Variants in SOWAHC observed in about 807,000 individuals in gnomAD.
SOWAHC encodes sosondowah ankyrin repeat domain family member C.
A neutral mutation model predicts 14.4 loss-of-function variants in SOWAHC; 12 were observed. The observed-to-expected ratio is 0.83, with a 90% CI of 0.53 to 1.35. The LOEUF (loss-of-function observed/expected upper bound fraction) is 1.35, where lower values mean the gene tolerates loss of function less well. Ranked by LOEUF, SOWAHC falls within the 40% of genes most tolerant of loss-of-function variation. The pLI, the probability that SOWAHC is intolerant of heterozygous loss-of-function variation, is 0.00. For synonymous variants in SOWAHC, 398 were observed against 347.0 expected (o/e 1.15, Z -1.63); for missense variants, 771 against 752.8 (o/e 1.02, Z -0.28).
rs1700029649 is a variant in SOWAHC, at chr2:109,614,800, AGGCCCCCGAC to A, written c.317_326del (p.Pro106LeufsTer40). 2 of 1,470,366 alleles carry A rather than the reference AGGCCCCCGAC, an allele frequency of 1.4e-6. No homozygotes were observed. Among genetic ancestry groups the A allele is most frequent in the African/African-American group, 2.9e-5 (2 of 67,992 alleles). 91.1% of individuals were successfully genotyped at this position (1,470,366 alleles called of 1,614,324 possible). A position where few individuals can be genotyped will look rare whatever the true frequency, so the allele number is the denominator to read the frequency against. ...CGAATCCAGGTGACCGCCGAGCCCG[AGGCCCCCGAC>A]GGCCCTGCCGGGCCCGAGGCGCGCG... On this transcript the variant is annotated frameshift_variant, in exon 1 of 1. Coordinates refer to ENST00000356454, the MANE Select transcript of SOWAHC (RefSeq NM_023016.4). LOFTEE classifies it low-confidence loss of function (END_TRUNC).
Position 109,615,288 on chromosome 2 carries a change from C to G in SOWAHC, c.799C>G (p.Leu267Val). The G allele has an allele frequency of 1.3e-6, 2 of 1,594,878 alleles. No homozygotes were observed. The highest frequency in any genetic ancestry group is 1.7e-6 in the Non-Finnish European group (2 of 1,171,880). ...SGGGSVTLDP[L>V]EHAWMLSASD... ...CGGAGGCTCCGTGACGCTGGACCCCCTGGAGCACGCGTGGATGCTCTCTGC... is the reference window on the plus strand; with the variant it reads ...CGGAGGCTCCGTGACGCTGGACCCCGTGGAGCACGCGTGGATGCTCTCTGC... The change falls in exon 1 of 1, where the codon CTG (leucine) becomes GTG (valine). Residue 267 changes from leucine (L) to valine (V), a missense_variant. Leu to Val is a conservative substitution (Grantham distance 32). Coordinates refer to ENST00000356454, the MANE Select transcript of SOWAHC (RefSeq NM_023016.4).
Position 109,618,242 on chromosome 2 carries a change from C to CTATAACACT in SOWAHC, c.*2175_*2176insTATAACACT, listed in dbSNP as rs1228097204. On this transcript the variant is annotated 3_prime_UTR_variant, in exon 1 of 1. Coordinates refer to ENST00000356454, the MANE Select transcript of SOWAHC (RefSeq NM_023016.4). Reference sequence around the variant, plus strand: ...CTATACATATTACTTGTATCTAGTGCAGAATAAGCTATAACATCCCATTGA... The same window carrying CTATAACACT: ...CTATACATATTACTTGTATCTAGTGCTATAACACTAGAATAAGCTATAACATCCCATTGA... The CTATAACACT allele has an allele frequency of 1.8e-5, 3 of 166,382 alleles. No individual in the cohort carries two copies. The allele number at this position is 166,382 out of a possible 1,614,324, so 10.3% of individuals were successfully genotyped here.
chr2:109,615,668 G>C lies in SOWAHC; in HGVS notation c.1179G>C (p.Leu393=), dbSNP rs879058574. 3 of 1,614,168 alleles carry C rather than the reference G, an allele frequency of 1.9e-6. No homozygotes were observed. The highest frequency in any genetic ancestry group is 2.5e-6 in the Non-Finnish European group (3 of 1,180,022). The part of the protein sequence containing the change: ...SRSIAEEIKN[L]VGALDEGDGE... ...GCATCGCCGAGGAGATCAAGAACCT[G>C]GTGGGAGCCCTGGACGAGGGTGACG... The change falls in exon 1 of 1, where the codon CTG becomes CTC. Residue 393 remains leucine, a synonymous_variant. Transcript: ENST00000356454.
At position 109,616,760 on chromosome 2, in the gene SOWAHC, T is replaced by C. The variant is rs2106439061; in HGVS notation, c.*693T>C. On this transcript the variant is annotated 3_prime_UTR_variant, in exon 1 of 1. Coordinates refer to ENST00000356454, the MANE Select transcript of SOWAHC (RefSeq NM_023016.4). ...ACTTCTGTAGTATGGTTTCCACCTA[T>C]CTCTAACACCACTATTAAGGTACAC... is the stretch of plus-strand genomic sequence containing the variant. 6.0e-6 allele frequency: 1 copy of C among 167,240 alleles called. No individual in the cohort carries two copies. Among genetic ancestry groups the C allele is most frequent in the South Asian group, 2.1e-4 (1 of 4,828 alleles). 10.4% of individuals were successfully genotyped at this position (167,240 alleles called of 1,614,324 possible). A position where few individuals can be genotyped will look rare whatever the true frequency, so the allele number is the denominator to read the frequency against.
chr2:109,615,544 G>T lies in SOWAHC; in HGVS notation c.1055G>T (p.Gly352Val). The change falls in exon 1 of 1, where the codon GGC becomes GTC. Residue 352 changes from glycine to valine, a missense_variant. Coordinates refer to ENST00000356454, the MANE Select transcript of SOWAHC (RefSeq NM_023016.4). ...YTALHLAAMH[G>V]HVEVVKLLVG... ...GCCCTGCACTTGGCAGCCATGCACG[G>T]CCACGTGGAGGTGGTGAAGCTGCTG... The T allele has an allele frequency of 6.2e-7, 1 of 1,614,012 alleles. No homozygotes were observed. The highest frequency in any genetic ancestry group is 1.3e-5 in the African/African-American group (1 of 75,080).
At position 109,614,772 on chromosome 2, in the gene SOWAHC, C is replaced by A. The variant is rs773960768; in HGVS notation, c.283C>A (p.Pro95Thr). 2.0e-6 allele frequency: 3 copies of A among 1,479,050 alleles called. No homozygotes were observed. The highest frequency in any genetic ancestry group is 2.7e-6 in the Non-Finnish European group (3 of 1,120,244). 91.6% of individuals were successfully genotyped at this position (1,479,050 alleles called of 1,614,324 possible). A position where few individuals can be genotyped will look rare whatever the true frequency, so the allele number is the denominator to read the frequency against. The change falls in exon 1 of 1, where the codon CCG becomes ACG. Residue 95 changes from proline to threonine, a missense_variant. Transcript: ENST00000356454. ...GCCGTCCGAGCCCTCCGGGGACCCG[C>A]CGCGAATCCAGGTGACCGCCGAGCC... ...EGPSEPSGDP[P>T]RIQVTAEPEA... is the part of the protein sequence containing the mutation.
rs1558938864 is a variant in SOWAHC at position 109,614,975 on chromosome 2, G to T, written c.486G>T (p.Gln162His). The change falls in exon 1 of 1, where the codon CAG (glutamine) becomes CAT (histidine). Residue 162 changes from glutamine (Q) to histidine (H), a missense_variant. Gln to His is a conservative substitution (Grantham distance 24, BLOSUM62 0). Coordinates refer to ENST00000356454, the MANE Select transcript of SOWAHC (RefSeq NM_023016.4). ...ARRKNSRRDVQPLPRTPAPGP... is the reference protein window; with the variant it reads ...ARRKNSRRDVHPLPRTPAPGP... ...GGAAGAACTCGCGGCGCGACGTGCA[G>T]CCCCTACCGCGGACTCCAGCCCCGG... 2.0e-6 allele frequency: 3 copies of T among 1,538,128 alleles called. No individual in the cohort carries two copies. The highest frequency in any genetic ancestry group is 2.7e-5 in the African/African-American group (2 of 72,770).
In SOWAHC at chr2:109,614,708, C is replaced by T; in HGVS notation, c.219C>T (p.Gly73=). The stretch of plus-strand genomic sequence containing the variant: ...CTGTGCGCGTCGATCCCGCCGACGG[C>T]GCCAAGTACGTGCACCTCAAGAAGA... ...VATVRVDPAD[G]AKYVHLKKRF... The change falls in exon 1 of 1, where the codon GGC becomes GGT. Residue 73 remains glycine, a synonymous_variant. Transcript: ENST00000356454. 1 of 1,488,434 alleles carries T rather than the reference C, an allele frequency of 6.7e-7. No homozygotes were observed. Among genetic ancestry groups the T allele is most frequent in the South Asian group, 1.3e-5 (1 of 79,644 alleles). 92.2% of individuals were successfully genotyped at this position (1,488,434 alleles called of 1,614,324 possible).
chr2:109,614,447 C>T lies in SOWAHC; in HGVS notation c.-43C>T, dbSNP rs1699988900. ...CCGCTGGGAGCCCGTCGCTATGGGA[C>T]CGCGCTGAGCCGCCCGCTGGCGGGG... On this transcript the variant is annotated 5_prime_UTR_variant, in exon 1 of 1. Coordinates refer to ENST00000356454, the MANE Select transcript of SOWAHC (RefSeq NM_023016.4). 2 of 1,194,772 alleles carry T rather than the reference C, an allele frequency of 1.7e-6. No individual in the cohort carries two copies. Among genetic ancestry groups the T allele is most frequent in the South Asian group, 8.3e-5 (2 of 24,188 alleles). 74.0% of individuals were successfully genotyped at this position (1,194,772 alleles called of 1,614,324 possible). A position where few individuals can be genotyped will look rare whatever the true frequency, so the allele number is the denominator to read the frequency against.
At position 109,614,701 on chromosome 2, in the gene SOWAHC, C is replaced by A; in HGVS notation, c.212C>A (p.Ala71Asp). The part of the protein sequence containing the change: ...NAVATVRVDP[A>D]DGAKYVHLKK... ...GTGGCCACTGTGCGCGTCGATCCCG[C>A]CGACGGCGCCAAGTACGTGCACCTC... is the stretch of plus-strand genomic sequence containing the variant. Residue 71 changes from alanine to aspartate, a missense_variant, in exon 1 of 1, where the codon GCC becomes GAC. Coordinates refer to ENST00000356454, the MANE Select transcript of SOWAHC (RefSeq NM_023016.4). 2 of 1,488,882 alleles carry A rather than the reference C, an allele frequency of 1.3e-6. No individual in the cohort carries two copies. Among genetic ancestry groups the A allele is most frequent in the Non-Finnish European group, 1.8e-6 (2 of 1,123,984 alleles). The allele number at this position is 1,488,882 out of a possible 1,614,324, so 92.2% of individuals were successfully genotyped here.
In SOWAHC at chr2:109,615,050, CA is replaced by C. The variant is rs1558939183; in HGVS notation, c.562del (p.Arg188GlyfsTer22). 4.5e-6 allele frequency: 7 copies of C among 1,548,872 alleles called. No individual in the cohort carries two copies. Among genetic ancestry groups the C allele is most frequent in the Non-Finnish European group, 6.1e-6 (7 of 1,146,678 alleles). On this transcript the variant is annotated frameshift_variant, in exon 1 of 1. Transcript: ENST00000356454. LOFTEE classifies it low-confidence loss of function (END_TRUNC). ...CGCCACATGGCTGCGAGGAGGCGGA[CA>C]GGGGCAGCTCCCTTGTGGGGGCTAC... ...LPPHGCEEAD[R>X]GSSLVGATAQ...
Position 109,614,428 on chromosome 2 carries a change from G to A in SOWAHC, c.-62G>A, listed in dbSNP as rs1699987977. On this transcript the variant is annotated 5_prime_UTR_variant, in exon 1 of 1. Transcript: ENST00000356454. ...CGCCGCCGTCGGGAGCCGGCCGCTG[G>A]GAGCCCGTCGCTATGGGACCGCGCT... is the stretch of plus-strand genomic sequence containing the variant. The A allele has an allele frequency of 2.6e-6, 3 of 1,143,056 alleles. No individual in the cohort carries two copies. Among genetic ancestry groups the A allele is most frequent in the Non-Finnish European group, 3.3e-6 (3 of 915,192 alleles). 70.8% of individuals were successfully genotyped at this position (1,143,056 alleles called of 1,614,324 possible). A position where few individuals can be genotyped will look rare whatever the true frequency, so the allele number is the denominator to read the frequency against.
chr2:109,615,540 C>T lies in SOWAHC; in HGVS notation c.1051C>T (p.His351Tyr). Residue 351 changes from histidine (H) to tyrosine (Y), a missense_variant, in exon 1 of 1, where the codon CAC (histidine) becomes TAC (tyrosine). His to Tyr is a moderately conservative substitution (Grantham distance 83). Coordinates refer to ENST00000356454, the MANE Select transcript of SOWAHC (RefSeq NM_023016.4). Reference sequence around the variant, plus strand: ...CACCGCCCTGCACTTGGCAGCCATGCACGGCCACGTGGAGGTGGTGAAGCT... The same window carrying T: ...CACCGCCCTGCACTTGGCAGCCATGTACGGCCACGTGGAGGTGGTGAAGCT... ...GYTALHLAAMHGHVEVVKLLV... is the reference protein window; with the variant it reads ...GYTALHLAAMYGHVEVVKLLV... 1 of 1,613,978 alleles carries T rather than the reference C, an allele frequency of 6.2e-7. No homozygotes were observed. Among genetic ancestry groups the T allele is most frequent in the Non-Finnish European group, 8.5e-7 (1 of 1,180,034 alleles).
chr2:109,615,218 C>G lies in SOWAHC; in HGVS notation c.729C>G (p.Asp243Glu). Reference sequence around the variant, plus strand: ...GCGGCAGAGGCGGGGGCGACTCAGACAGCGCATCGGTGGCCTCGTCGTCCG... The same window carrying G: ...GCGGCAGAGGCGGGGGCGACTCAGAGAGCGCATCGGTGGCCTCGTCGTCCG... ...GGRGRGGGDSDSASVASSSAE... is the reference protein window; with the variant it reads ...GGRGRGGGDSESASVASSSAE... Residue 243 changes from aspartate to glutamate, a missense_variant, in exon 1 of 1, where the codon GAC becomes GAG. Coordinates refer to ENST00000356454, the MANE Select transcript of SOWAHC (RefSeq NM_023016.4). The G allele has an allele frequency of 6.5e-7, 1 of 1,546,836 alleles. No individual in the cohort carries two copies. The highest frequency in any genetic ancestry group is 8.7e-7 in the Non-Finnish European group (1 of 1,146,636).
Position 109,615,980 on chromosome 2 carries a change from CA to C in SOWAHC, c.1492del (p.Arg498GlyfsTer20). On this transcript the variant is annotated frameshift_variant, in exon 1 of 1. Coordinates refer to ENST00000356454, the MANE Select transcript of SOWAHC (RefSeq NM_023016.4). LOFTEE classifies it high-confidence loss of function. ...FRDPEQPLEG[R>X]GEEGVGEERP... is the part of the protein sequence containing the mutation. Reference sequence around the variant, plus strand: ...GGGACCCAGAGCAGCCGCTGGAGGGCAGGGGGGAGGAGGGAGTGGGGGAGGA... The same window carrying C: ...GGGACCCAGAGCAGCCGCTGGAGGGCGGGGGGAGGAGGGAGTGGGGGAGGA... 1.9e-6 allele frequency: 3 copies of C among 1,563,398 alleles called. No homozygotes were observed. The highest frequency in any genetic ancestry group is 2.6e-6 in the Non-Finnish European group (3 of 1,157,374).
Position 109,614,557 on chromosome 2 carries a change from C to A in SOWAHC, c.68C>A (p.Ala23Glu), listed in dbSNP as rs1700000183. 1.5e-6 allele frequency: 2 copies of A among 1,326,942 alleles called. No individual in the cohort carries two copies. The highest frequency in any genetic ancestry group is 1.9e-6 in the Non-Finnish European group (2 of 1,045,442). The allele number at this position is 1,326,942 out of a possible 1,614,324, so 82.2% of individuals were successfully genotyped here. Residue 23 changes from alanine (A) to glutamate (E), a missense_variant, in exon 1 of 1, where the codon GCG becomes GAG. Coordinates refer to ENST00000356454, the MANE Select transcript of SOWAHC (RefSeq NM_023016.4). ...CCCGAGGCGGTGCTGCGCTTCCTGG[C>A]GGAGCGCGGGGGCCGGGCCCTGCAC... ...LGPEAVLRFL[A>E]ERGGRALHAE...
rs74868086 is a variant in SOWAHC at position 109,615,588 on chromosome 2, G to A, written c.1099G>A (p.Asp367Asn). 4,963 of 1,613,648 alleles carry A rather than the reference G, an allele frequency of 3.1e-3. 150 individuals carry two copies. In the African/African-American group the frequency reaches 0.057, roughly 18 times the overall value. Residue 367 changes from aspartate to asparagine, a missense_variant, in exon 1 of 1, where the codon GAT becomes AAT. By Grantham distance (23) the Asp-to-Asn change is conservative. Transcript: ENST00000356454. Reference protein sequence around the residue: ...VKLLVGAYDADVDIRDYSGKK... With the variant: ...VKLLVGAYDANVDIRDYSGKK... ...GCTGCTGGTGGGGGCCTACGACGCC[G>A]ATGTGGACATCAGGGACTACAGTGG...
chr2:109,615,638 T>C lies in SOWAHC; in HGVS notation c.1149T>C (p.Ser383=). 2 of 1,613,684 alleles carry C rather than the reference T, an allele frequency of 1.2e-6. No individual in the cohort carries two copies. Among genetic ancestry groups the C allele is most frequent in the Non-Finnish European group, 1.7e-6 (2 of 1,179,686 alleles). ...YSGKKASQYL[S]RSIAEEIKNL... ...GGAAAAAGGCCTCCCAGTACCTGAGTCGGAGCATCGCCGAGGAGATCAAGA... is the reference window on the plus strand; with the variant it reads ...GGAAAAAGGCCTCCCAGTACCTGAGCCGGAGCATCGCCGAGGAGATCAAGA... Residue 383 remains serine, a synonymous_variant, in exon 1 of 1, where the codon AGT becomes AGC. Transcript: ENST00000356454.
Position 109,618,888 on chromosome 2 carries a change from G to A in SOWAHC, c.*2821G>A, listed in dbSNP as rs1700182756. The A allele has an allele frequency of 6.0e-6, 1 of 167,028 alleles. No individual in the cohort carries two copies. The highest frequency in any genetic ancestry group is 2.4e-5 in the African/African-American group (1 of 41,430). The allele number at this position is 167,028 out of a possible 1,614,324, so 10.3% of individuals were successfully genotyped here. A position where few individuals can be genotyped will look rare whatever the true frequency, so the allele number is the denominator to read the frequency against. On this transcript the variant is annotated 3_prime_UTR_variant, in exon 1 of 1. Transcript: ENST00000356454. ...TAGTTTTTTCACGCCTGCAATCTTG[G>A]AGTCTAGGTTGCCTTGTCTCTCCTA...
Sources: allele counts gnomAD v4.1 joint callset, GRCh38; gene constraint gnomAD v4.1.1; transcripts MANE v1.5; gene names NCBI Gene and HGNC (gene_info 2026-07-23, HGNC 2026-07-21).